Variants in NPR2 observed in about 807,000 individuals in gnomAD.
NPR2 encodes natriuretic peptide receptor 2.
In NPR2, 49 loss-of-function variants were observed where a neutral mutation model predicts 120.7. The ratio of observed to expected loss-of-function variants is 0.41; its 90% CI spans 0.32 to 0.52. The LOEUF is 0.52. Ranked by LOEUF, NPR2 falls within the 20% of genes least tolerant of loss-of-function variation. NPR2 has a pLI of 0.36. For missense variants in NPR2, 931 were observed against 1,362.9 expected, an observed-to-expected ratio of 0.68 and a Z score of 4.99; for synonymous variants, 484 against 519.8, an observed-to-expected ratio of 0.93 and a Z score of 0.94.
At chr9:35,799,932 A>T in intron 3 of NPR2, 90 bp from the exon 4 acceptor site, 2 of 1,582,924 alleles carry the variant, frequency 1.3e-6, no homozygotes, top group Non-Finnish European at 1.7e-6. Flanking sequence ...AGCAAACCAG[A>T]AGAGAGAATA....
chr9:35,795,513 A>G lies in NPR2; in HGVS notation c.873+1410A>G, dbSNP rs528592936. Among the ~76,000 whole-genome samples the G allele has an allele frequency of 5.3e-5, 8 of 152,280 alleles. No individual in the cohort carries two copies. In the South Asian group the frequency reaches 1.7e-3, roughly 32 times the overall value. On this transcript the variant is annotated intron_variant, in intron 2 of 21. Coordinates refer to ENST00000342694, the MANE Select transcript of NPR2 (RefSeq NM_003995.4). ...GTATAAGGGCTGGACCTGGGTGGCC[A>G]TTCTTCTCCAATAAGGTTTTATGTG...
intron 2 of NPR2, among the ~76,000 whole-genome samples, chr9:35,795,829 A>G (rs1052835218): frequency 1.3e-5 from 2 of 152,188 alleles, no homozygotes; most frequent in Admixed American, 1.3e-4. Flanking sequence ...TCCATCTACC[A>G]TAGAACTAAC....
chr9:35,802,695 G>A lies in NPR2; in HGVS notation c.1816-37G>A, dbSNP rs747317536. The A allele has an allele frequency of 2.3e-5, 35 of 1,541,338 alleles. No individual in the cohort carries two copies. In the South Asian group the frequency reaches 3.8e-4, roughly 17 times the overall value. The stretch of plus-strand genomic sequence containing the variant: ...CTCTATGCTGGGTGATAGCTGGTGG[G>A]ACCAGGACAGACAGTCTATTCCATG... On this transcript the variant is annotated intron_variant, in intron 11 of 21. Coordinates refer to ENST00000342694, the MANE Select transcript of NPR2 (RefSeq NM_003995.4). This position sits in a 1 kb window ranked among gnomAD's most constrained non-coding sequence, Gnocchi z 4.2.
Position 35,792,697 on chromosome 9 carries a change from T to C in NPR2, c.289T>C (p.Leu97=), listed in dbSNP as rs1458425896. The C allele has an allele frequency of 1.2e-6, 2 of 1,614,036 alleles. No homozygotes were observed. Among genetic ancestry groups the C allele is most frequent in the African/African-American group, 2.7e-5 (2 of 74,938 alleles). ...LKLYHDPDLL[L]GPGCVYPAAS... ...GCTGTACCATGACCCCGACCTGCTG[T>C]TAGGTCCCGGTTGCGTGTACCCTGC... Residue 97 remains leucine (L), a synonymous_variant, in exon 1 of 22, where the codon TTA becomes CTA. Transcript: ENST00000342694.
chr9:35,793,839 C>A, intron 1 of NPR2, 59 bp from the exon 2 acceptor site: 1 of 1,520,534 alleles, frequency 6.6e-7, no homozygotes, highest in Non-Finnish European at 9.1e-7. Context: ...AGAGAGGGGG[C>A]TGTGTGGGGG....
intron 8 of NPR2, 27 bp from the exon 9 acceptor site, chr9:35,801,899 C>T: frequency 1.2e-6 from 2 of 1,612,454 alleles, no homozygotes; most frequent in Non-Finnish European, 1.7e-6. Flanking sequence ...TTTCATCCTT[C>T]CGCCTCCATG....
intron 2 of NPR2, 121 bp downstream of exon 2, chr9:35,794,224 A>C (rs2132069136): frequency 1.1e-6 from 1 of 883,536 alleles, no homozygotes; most frequent in East Asian, 2.6e-5. Context: ...CAGGAGTAAA[A>C]TGAACAGAGG....
rs1458134021 is a variant in NPR2, at chr9:35,808,014, AGTGT to A, written c.2713-492_2713-489del. ...ATAACTACTTTATCCCTAAATACTT[AGTGT>A]GTATTTCCTAAAAACTTCACTGTGT... On this transcript the variant is annotated intron_variant, in intron 18 of 21. Transcript: ENST00000342694. The surrounding 1 kb of genome is among the most constrained non-coding windows in gnomAD (Gnocchi z 4.0). 7.9e-6 allele frequency: 5 copies of A among 632,788 alleles called. No homozygotes were observed. The highest frequency in any genetic ancestry group is 5.5e-5 in the African/African-American group (3 of 54,944). 39.2% of individuals were successfully genotyped at this position (632,788 alleles called of 1,614,324 possible).
intron 1 of NPR2, 26 bp downstream of exon 1, chr9:35,793,101 G>A: frequency 6.4e-7 from 1 of 1,565,720 alleles, no homozygotes; most frequent in South Asian, 1.2e-5. Context: ...GCTATTTTAG[G>A]GTCATGGGAG....
chr9:35,804,400 T>C (rs968034064), intron 12 of NPR2, among the ~76,000 whole-genome samples: 2 of 152,088 alleles, frequency 1.3e-5, no homozygotes, highest in African/African-American at 4.8e-5. Flanking sequence ...GCCCGGCTCA[T>C]TTTTATATTT....
intron 2 of NPR2, among the ~76,000 whole-genome samples, chr9:35,796,150 G>A (rs1231513860): frequency 6.6e-6 from 1 of 152,214 alleles, no homozygotes; most frequent in Non-Finnish European, 1.5e-5. Context: ...CAGAAGATCT[G>A]TGACCCTCTC....
chr9:35,793,836 G>T, intron 1 of NPR2, 62 bp from the exon 2 acceptor site: 1 of 1,508,900 alleles, frequency 6.6e-7, no homozygotes, highest in Admixed American at 1.7e-5. Context: ...TTCAGAGAGG[G>T]GGCTGTGTGG....
intron 8 of NPR2, 25 bp from the exon 9 acceptor site, chr9:35,801,901 G>A (rs1166651641): frequency 3.7e-6 from 6 of 1,612,252 alleles, no homozygotes; most frequent in East Asian, 2.2e-5. Context: ...TCATCCTTCC[G>A]CCTCCATGTT....
At chr9:35,793,835 G>C (rs1827861694) in intron 1 of NPR2, 63 bp from the exon 2 acceptor site, 1 of 1,502,594 alleles carries the variant, frequency 6.7e-7, no homozygotes, top group African/African-American at 1.4e-5. Flanking sequence ...ATTCAGAGAG[G>C]GGGCTGTGTG....
Position 35,809,375 on chromosome 9 carries a change from TC to T in NPR2, c.3079-3del, listed in dbSNP as rs758121945. 6.8e-6 allele frequency: 11 copies of T among 1,614,106 alleles called. No homozygotes were observed. In the East Asian group the frequency reaches 2.5e-4, roughly 36 times the overall value. Reference sequence around the variant, plus strand: ...TCTGAATCATGTCCACTCTCCCACTTCCAGGGAAAAGGAAAGATGCGAACAT... The same window carrying T: ...TCTGAATCATGTCCACTCTCCCACTTCAGGGAAAAGGAAAGATGCGAACAT... On this transcript the variant is annotated splice_polypyrimidine_tract_variant and splice_region_variant and intron_variant, in intron 21 of 21. Coordinates refer to ENST00000342694, the MANE Select transcript of NPR2 (RefSeq NM_003995.4). The surrounding 1 kb of genome is among the most constrained non-coding windows in gnomAD (Gnocchi z 4.1).
chr9:35,796,774 C>A (rs1471534236), intron 2 of NPR2, among the ~76,000 whole-genome samples: 1 of 152,096 alleles, frequency 6.6e-6, no homozygotes, highest in East Asian at 1.9e-4. Flanking sequence ...GGTGCCCCGC[C>A]CCCCACCTTC....
intron 2 of NPR2, among the ~76,000 whole-genome samples, chr9:35,794,683 C>T (rs764912877): frequency 1.3e-5 from 2 of 151,926 alleles, no homozygotes; most frequent in Non-Finnish European, 2.9e-5. Context: ...TAGGAATGGG[C>T]GTGTTTGAGA....
Position 35,794,836 on chromosome 9 carries a change from G to T in NPR2, c.873+733G>T, listed in dbSNP as rs527767148. Among the ~76,000 whole-genome samples, 159 of 149,930 alleles carry T rather than the reference G, an allele frequency of 1.1e-3. 1 individual carries two copies. The highest frequency in any genetic ancestry group is 9.2e-3 in the South Asian group (43 of 4,652). On this transcript the variant is annotated intron_variant, in intron 2 of 21. Transcript: ENST00000342694. ...TTGAATTTGGGGTCCTTGACTTTTT[G>T]TGTGTGTGTGTGTGTGTGTGGAGAT... is the stretch of plus-strand genomic sequence containing the variant.
chr9:35,799,394 C>T (rs1452284274), intron 2 of NPR2, among the ~76,000 whole-genome samples: 2 of 151,454 alleles, frequency 1.3e-5, no homozygotes, highest in Non-Finnish European at 2.9e-5. Context: ...GTGCCACTCC[C>T]TCTTCCCAGA....
Sources: gnomAD v4.1 joint callset for allele counts (sites outside exome capture counted in the v4.1 genomes callset) on GRCh38, gnomAD v4.1.1 for gene constraint, Gnocchi (gnomAD v3.1) non-coding constraint, MANE v1.5 for transcripts, NCBI Gene and HGNC (gene_info 2026-07-23, HGNC 2026-07-21) for gene names.